The following SH2D4A variants were observed in gnomAD, a reference collection of about 807,000 sequenced individuals.
SH2D4A encodes the protein SH2 domain containing 4A.
SH2D4A carries 70 observed loss-of-function variants against 64.7 expected under a neutral mutation model. The ratio of observed to expected loss-of-function variants is 1.08; its 90% confidence interval spans 0.89 to 1.32. SH2D4A has a LOEUF of 1.32. Among genes scored for constraint, SH2D4A ranks in the 40% most tolerant of loss-of-function variants. SH2D4A has a pLI of 0.00. For missense variants in SH2D4A, 706 were observed against 540.1 expected, an observed-to-expected ratio of 1.31 and a Z score of -3.04; for synonymous variants, 268 against 200.7, an observed-to-expected ratio of 1.34 and a Z score of -2.83.
intron 4 of SH2D4A, among the ~76,000 whole-genome samples, chr8:19,346,479 A>G (rs954100128): frequency 6.6e-6 from 1 of 152,220 alleles, no homozygotes; most frequent in Non-Finnish European, 1.5e-5. Context: ...GGGACACTCT[A>G]GTTGAAGGAA....
Position 19,333,120 on chromosome 8 carries a change from A to G in SH2D4A, c.341+6A>G. On this transcript the variant is annotated splice_donor_region_variant and intron_variant, in intron 3 of 9. Coordinates refer to ENST00000265807, the MANE Select transcript of SH2D4A (RefSeq NM_022071.4). ...CAGGAGGCAGAAGAGCCCAGGTATGAGATCTGCAAACCAACCAGAGACTTA... is the reference window on the plus strand; with the variant it reads ...CAGGAGGCAGAAGAGCCCAGGTATGGGATCTGCAAACCAACCAGAGACTTA... 1 of 1,603,668 alleles carries G rather than the reference A, an allele frequency of 6.2e-7. No homozygotes were observed. The highest frequency in any genetic ancestry group is 8.5e-7 in the Non-Finnish European group (1 of 1,177,318).
At chr8:19,382,032 T>C (rs1024214063) in intron 8 of SH2D4A, among the ~76,000 whole-genome samples, 2 of 152,244 alleles carry the variant, frequency 1.3e-5, no homozygotes, top group African/African-American at 4.8e-5. Context: ...TTAATTTTGA[T>C]AGTAACCATG....
At chr8:19,325,049 C>G (rs969909803) in intron 2 of SH2D4A, among the ~76,000 whole-genome samples, 2 of 152,098 alleles carry the variant, frequency 1.3e-5, no homozygotes, top group African/African-American at 4.8e-5. Flanking sequence ...AAGCTTGATG[C>G]AAAACCCAAT....
intron 4 of SH2D4A, among the ~76,000 whole-genome samples, chr8:19,344,308 T>C (rs2052577768): frequency 6.6e-6 from 1 of 152,146 alleles, no homozygotes; most frequent in Admixed American, 6.5e-5. Flanking sequence ...TATATTCACA[T>C]TGTTGGCCAA....
At chr8:19,322,928 G>A (rs754916218) in intron 2 of SH2D4A, among the ~76,000 whole-genome samples, 5 of 152,002 alleles carry the variant, frequency 3.3e-5, no homozygotes, top group Non-Finnish European at 4.4e-5. Context: ...ACCCACCTCC[G>A]CCTCCCAAAG....
chr8:19,388,178 A>G (rs899581469), intron 8 of SH2D4A, among the ~76,000 whole-genome samples: 20 of 152,238 alleles, frequency 1.3e-4, no homozygotes, highest in African/African-American at 3.4e-4. Context: ...GTTAAAAAGC[A>G]TAGTGAGTTA....
At chr8:19,360,258 TC>T (rs1362687901) in intron 5 of SH2D4A, among the ~76,000 whole-genome samples, 1 of 151,912 alleles carries the variant, frequency 6.6e-6, no homozygotes, top group African/African-American at 2.4e-5. Flanking sequence ...AAAGTATTTC[TC>T]CCTTCTCAAA....
intron 8 of SH2D4A, among the ~76,000 whole-genome samples, chr8:19,385,372 T>C (rs2053369285): frequency 6.6e-6 from 1 of 152,046 alleles, no homozygotes; most frequent in African/African-American, 2.4e-5. Context: ...CACCACACCC[T>C]GCTAAGTTTT....
At chr8:19,327,614 C>T (rs963450245) in intron 2 of SH2D4A, among the ~76,000 whole-genome samples, 6 of 152,146 alleles carry the variant, frequency 3.9e-5, no homozygotes, top group Admixed American at 6.5e-5. Context: ...TCCTTACTCC[C>T]GCCTCTTCCA....
rs150757384 is a variant in SH2D4A, at chr8:19,317,184, G to A, written c.-204-2160G>A. On this transcript the variant is annotated intron_variant, in intron 1 of 9. Transcript: ENST00000265807. The stretch of plus-strand genomic sequence containing the variant: ...AGGACATTTACTGGAATGTCAAGGA[G>A]TCATTCTGTCTCCTTTCTTACCACT... Among the ~76,000 whole-genome samples the A allele has an allele frequency of 1.4e-3, 207 of 152,172 alleles. 2 individuals carry two copies. The highest frequency in any genetic ancestry group is 2.2e-3 in the Non-Finnish European group (153 of 68,020).
At chr8:19,388,828 T>G (rs1333543928) in intron 8 of SH2D4A, among the ~76,000 whole-genome samples, 6 of 152,198 alleles carry the variant, frequency 3.9e-5, no homozygotes, top group Admixed American at 3.3e-4. Flanking sequence ...ATCTTCTAAG[T>G]GGCAGGTGCT....
At chr8:19,390,120 A>C (rs1325065202) in intron 8 of SH2D4A, among the ~76,000 whole-genome samples, 1 of 151,990 alleles carries the variant, frequency 6.6e-6, no homozygotes, top group African/African-American at 2.4e-5. Flanking sequence ...CTATCATCCC[A>C]CTATCATCCC....
At chr8:19,329,618 C>T (rs1272796011) in intron 2 of SH2D4A, among the ~76,000 whole-genome samples, 1 of 152,132 alleles carries the variant, frequency 6.6e-6, no homozygotes, top group African/African-American at 2.4e-5. Flanking sequence ...AATTGTACTC[C>T]CATAATTCCC....
At chr8:19,362,419 A>G (rs2052906496) in intron 6 of SH2D4A, among the ~76,000 whole-genome samples, 1 of 152,202 alleles carries the variant, frequency 6.6e-6, no homozygotes, top group African/African-American at 2.4e-5. Context: ...CATGCGCTGT[A>G]TGATGTTTTG....
chr8:19,387,730 G>A (rs1451452622), intron 8 of SH2D4A, among the ~76,000 whole-genome samples: 3 of 152,174 alleles, frequency 2.0e-5, no homozygotes, highest in Non-Finnish European at 4.4e-5. Context: ...AATTACTTGT[G>A]TGGCTTTAGG....
intron 8 of SH2D4A, among the ~76,000 whole-genome samples, chr8:19,380,146 T>C (rs2053268193): frequency 6.6e-6 from 1 of 152,196 alleles, no homozygotes; most frequent in Non-Finnish European, 1.5e-5. Flanking sequence ...TGAGCACCTT[T>C]TCATTTGCTT....
intron 9 of SH2D4A, among the ~76,000 whole-genome samples, 162 bp downstream of exon 9, chr8:19,393,703 ATCACATTTCATTT>A (rs1175989054): frequency 6.6e-6 from 1 of 152,228 alleles, no homozygotes; most frequent in East Asian, 1.9e-4. Flanking sequence ...AGGATTGTTA[ATCACATTTCATTT>A]ATCTTAGAAC....
At chr8:19,388,400 C>G (rs2053426402) in intron 8 of SH2D4A, among the ~76,000 whole-genome samples, 4 of 152,210 alleles carry the variant, frequency 2.6e-5, no homozygotes, top group Admixed American at 6.5e-5. Flanking sequence ...GGTGTTCTGT[C>G]TGAGAGAATG....
At chr8:19,394,130 A>C (rs145049520) in intron 9 of SH2D4A, among the ~76,000 whole-genome samples, 1 of 152,190 alleles carries the variant, frequency 6.6e-6, no homozygotes, top group Non-Finnish European at 1.5e-5. Context: ...TGCACAGTTC[A>C]CAATAAGGTT....
Sources: allele counts gnomAD v4.1 joint callset (sites outside exome capture counted in the v4.1 genomes callset), GRCh38; gene constraint gnomAD v4.1.1; transcripts MANE v1.5; gene names NCBI Gene and HGNC (gene_info 2026-07-23, HGNC 2026-07-21).